FCN1: variants seen among roughly 807,000 people sequenced by gnomAD.
FCN1 encodes the protein ficolin 1.
In FCN1, 42 loss-of-function variants were observed where a neutral mutation model predicts 35.6. The ratio of observed to expected loss-of-function variants is 1.18; its 90% confidence interval spans 0.92 to 1.53. The LOEUF is 1.53. Among genes scored for constraint, FCN1 ranks in the 40% most tolerant of loss-of-function variants. The probability of loss-of-function intolerance (pLI) is 0.00; values close to 1 mark genes in which losing one functional copy is unlikely to be tolerated. For missense variants in FCN1, 439 were observed against 428.4 expected (o/e 1.02, Z -0.22); for synonymous variants, 179 against 169.8 (o/e 1.05, Z -0.42).
In FCN1 at chr9:134,916,808, G is replaced by C. The variant is rs114661886; in HGVS notation, c.104-347C>G. Among the ~76,000 whole-genome samples the C allele has an allele frequency of 9.1e-3, 1,390 of 152,266 alleles. 11 individuals are homozygous for C. Among genetic ancestry groups the C allele is most frequent in the African/African-American group, 0.032 (1,315 of 41,538 alleles). On this transcript the variant is annotated intron_variant, in intron 1 of 8. Transcript: ENST00000371806. ...ATTTAGAAAGAGCTTAATAAACAGC[G>C]GGCACTTTCAATAACTAATGACAAT...
intron 5 of FCN1, 89 bp from the exon 6 acceptor site, chr9:134,913,232 G>T: frequency 6.5e-7 from 1 of 1,537,206 alleles, no homozygotes. Flanking sequence ...GGAGGAGGAG[G>T]GCCACAGGCT....
rs1488955750 is a variant in FCN1, at chr9:134,916,527, G to C, written c.104-66C>G. 13 of 1,455,110 alleles carry C rather than the reference G, an allele frequency of 8.9e-6. No individual in the cohort carries two copies. In the East Asian group the frequency reaches 1.1e-4, roughly 13 times the overall value. 90.1% of individuals were successfully genotyped at this position (1,455,110 alleles called of 1,614,324 possible). A position where few individuals can be genotyped will look rare whatever the true frequency, so the allele number is the denominator to read the frequency against. On this transcript the variant is annotated intron_variant, in intron 1 of 8. Coordinates refer to ENST00000371806, the MANE Select transcript of FCN1 (RefSeq NM_002003.5). ...CAGTGGCTGGGAAGTGAGGTTTTCT[G>C]CTCTGCTGGGGCCTTGGTCTGTCCT...
At chr9:134,914,181 C>A (rs532387384) in intron 4 of FCN1, among the ~76,000 whole-genome samples, 1 of 152,314 alleles carries the variant, frequency 6.6e-6, no homozygotes, top group African/African-American at 2.4e-5. Context: ...GTCCTGCTGG[C>A]CACTGGGAGT....
chr9:134,909,265 A>T lies in FCN1; in HGVS notation c.*533T>A, dbSNP rs958834001. On this transcript the variant is annotated 3_prime_UTR_variant, in exon 9 of 9. Transcript: ENST00000371806. The stretch of plus-strand genomic sequence containing the variant: ...GTGGGAAGCAGAAAAGTTCCTACTA[A>T]ACTTTCCCCCTTTTTAGTAAGTGTT... 3.9e-6 allele frequency: 5 copies of T among 1,289,452 alleles called. No individual in the cohort carries two copies. The highest frequency in any genetic ancestry group is 5.1e-6 in the Non-Finnish European group (5 of 988,842). The allele number at this position is 1,289,452 out of a possible 1,614,324, so 79.9% of individuals were successfully genotyped here. A position where few individuals can be genotyped will look rare whatever the true frequency, so the allele number is the denominator to read the frequency against.
rs7467569 is a variant in FCN1 at position 134,905,796 on chromosome 9, T to C, written c.*4002A>G. On this transcript the variant is annotated 3_prime_UTR_variant, in exon 9 of 9. Coordinates refer to ENST00000371806, the MANE Select transcript of FCN1 (RefSeq NM_002003.5). ...ACCGCGCCTGGCCGCTGCTGCTGCT[T>C]CTTCTTCTTCTTCCTCTTCTTCTTC... 1 of 103,686 alleles carries C rather than the reference T, an allele frequency of 9.6e-6. No homozygotes were observed. Among genetic ancestry groups the C allele is most frequent in the Admixed American group, 8.4e-5 (1 of 11,900 alleles). The allele number at this position is 103,686 out of a possible 1,614,324, so 6.4% of individuals were successfully genotyped here. A position where few individuals can be genotyped will look rare whatever the true frequency, so the allele number is the denominator to read the frequency against.
chr9:134,906,713 G>A lies in FCN1; in HGVS notation c.*3085C>T, dbSNP rs1264965614. 1.3e-5 allele frequency: 2 copies of A among 152,014 alleles called. No homozygotes were observed. Among genetic ancestry groups the A allele is most frequent in the Admixed American group, 1.3e-4 (2 of 15,256 alleles). The allele number at this position is 152,014 out of a possible 1,614,324, so 9.4% of individuals were successfully genotyped here. A position where few individuals can be genotyped will look rare whatever the true frequency, so the allele number is the denominator to read the frequency against. On this transcript the variant is annotated 3_prime_UTR_variant, in exon 9 of 9. Transcript: ENST00000371806. The stretch of plus-strand genomic sequence containing the variant: ...TGGATTTGTGAGATTCTTCATAATA[G>A]GCCAAATTATTTAAACATTACAAGA...
chr9:134,917,025 G>GA (rs966885894), intron 1 of FCN1, among the ~76,000 whole-genome samples: 8 of 152,044 alleles, frequency 5.3e-5, no homozygotes, highest in African/African-American at 1.9e-4. Context: ...TTACTTCTTT[G>GA]AAAAAATATT....
rs370520035 is a variant in FCN1 at position 134,912,578 on chromosome 9, T to C, written c.506A>G (p.Tyr169Cys). The C allele has an allele frequency of 2.1e-5, 34 of 1,613,944 alleles. No individual in the cohort carries two copies. The highest frequency in any genetic ancestry group is 2.8e-5 in the Non-Finnish European group (33 of 1,179,978). Residue 169 changes from tyrosine to cysteine, a missense_variant, in exon 7 of 9, where the codon TAT becomes TGT. Physicochemically the swap from Tyr to Cys is radical, Grantham distance 194. Transcript: ENST00000371806. ...CTGCTTGTATGCGGCCCAGTCCCGA[T>C]AGAAGTCCACAGAGCCATCCATCCT... ...QRRMDGSVDF[Y>C]RDWAAYKQGF... is the part of the protein sequence containing the mutation.
At position 134,911,196 on chromosome 9, in the gene FCN1, T is replaced by A. The variant is rs147589113; in HGVS notation, c.670A>T (p.Lys224Ter). Residue 224 changes from lysine to a stop codon, truncating the protein, a stop_gained, in exon 8 of 9, where the codon AAG (lysine) becomes TAG (stop). Transcript: ENST00000371806. LOFTEE classifies it high-confidence loss of function. ...NHQFAKYKSFKVADEAEKYKL... is the reference protein window; with the variant it reads ...NHQFAKYKSF ...TACTTCTCTGCCTCGTCAGCCACCT[T>A]GAATGATTTGTACTTAGCAAACTGG... 6.2e-7 allele frequency: 1 copy of A among 1,614,112 alleles called. No homozygotes were observed. Among genetic ancestry groups the A allele is most frequent in the Non-Finnish European group, 8.5e-7 (1 of 1,179,988 alleles).
rs1333290501 is a variant in FCN1 at position 134,905,385 on chromosome 9, G to A, written c.*4413C>T. ...GGCTTGATTTCTTTTCACCCATTCA[G>A]CTTTATCCCTCAAATCACAAAAGCT... On this transcript the variant is annotated 3_prime_UTR_variant, in exon 9 of 9. Transcript: ENST00000371806. Among the ~76,000 whole-genome samples, 4 of 152,210 alleles carry A rather than the reference G, an allele frequency of 2.6e-5. No homozygotes were observed. The highest frequency in any genetic ancestry group is 9.6e-5 in the African/African-American group (4 of 41,454).
chr9:134,913,458 T>C, intron 5 of FCN1, 123 bp downstream of exon 5: 1 of 744,940 alleles, frequency 1.3e-6, no homozygotes, highest in South Asian at 1.8e-5. Context: ...ACTCGAGTGA[T>C]TGAGGGGGGG....
rs778906920 is a variant in FCN1, at chr9:134,912,531, C to A, written c.553G>T (p.Glu185Ter). ...ATGTTGTCATTCCCCAGCCAGAACTCCCCCAGCTGACTGCCGAAGCCCTGC... is the reference window on the plus strand; with the variant it reads ...ATGTTGTCATTCCCCAGCCAGAACTACCCCAGCTGACTGCCGAAGCCCTGC... ...YKQGFGSQLG[E>*]FWLGNDNIHA... Residue 185 changes from glutamate (E) to a stop codon, truncating the protein, a stop_gained, in exon 7 of 9, where the codon GAG becomes TAG. Transcript: ENST00000371806. LOFTEE classifies it high-confidence loss of function. 6.2e-7 allele frequency: 1 copy of A among 1,613,910 alleles called. No individual in the cohort carries two copies. Among genetic ancestry groups the A allele is most frequent in the South Asian group, 1.1e-5 (1 of 91,082 alleles).
chr9:134,915,542 G>A lies in FCN1; in HGVS notation c.218-733C>T, dbSNP rs570450707. 9.9e-5 allele frequency among the ~76,000 whole-genome samples: 15 copies of A among 152,256 alleles called. No individual in the cohort carries two copies. The South Asian group carries it at 1.9e-3, about 19-fold the overall frequency. On this transcript the variant is annotated intron_variant, in intron 2 of 8. Transcript: ENST00000371806. ...GTTCCCTCAGCAGGGGATCGGGACC[G>A]CACTCTCAGGTCCAGCCTGCGGAGT...
At chr9:134,916,807 C>T (rs1415097982) in intron 1 of FCN1, among the ~76,000 whole-genome samples, 4 of 152,198 alleles carry the variant, frequency 2.6e-5, no homozygotes, top group African/African-American at 7.2e-5. Flanking sequence ...TAATAAACAG[C>T]GGGCACTTTC....
rs958420945 is a variant in FCN1, at chr9:134,903,308, A to G, written c.*6490T>C. 3.9e-5 allele frequency among the ~76,000 whole-genome samples: 6 copies of G among 152,190 alleles called. No individual in the cohort carries two copies. In the East Asian group the frequency reaches 5.8e-4, roughly 15 times the overall value. On this transcript the variant is annotated 3_prime_UTR_variant, in exon 9 of 9. Transcript: ENST00000371806. ...TTTTCAGTAGACAACAGCATAAAACATATTCTTTTCAAGTTCAAATTGAAC... is the reference window on the plus strand; with the variant it reads ...TTTTCAGTAGACAACAGCATAAAACGTATTCTTTTCAAGTTCAAATTGAAC...
intron 2 of FCN1, among the ~76,000 whole-genome samples, 161 bp from the exon 3 acceptor site, chr9:134,914,970 G>A (rs1014765550): frequency 2.0e-5 from 3 of 152,086 alleles, no homozygotes; most frequent in East Asian, 3.9e-4. Flanking sequence ...ATTTAGCCTG[G>A]GGGTGACTGC....
intron 1 of FCN1, among the ~76,000 whole-genome samples, chr9:134,916,758 T>A (rs1831097647): frequency 6.6e-6 from 1 of 152,252 alleles, no homozygotes; most frequent in Admixed American, 6.5e-5. Flanking sequence ...ATGTGCATTT[T>A]AAATCTCTTA....
chr9:134,910,824 A>G (rs1356442493), intron 8 of FCN1, among the ~76,000 whole-genome samples: 2 of 152,202 alleles, frequency 1.3e-5, no homozygotes, highest in African/African-American at 4.8e-5. Flanking sequence ...CATGGAGCAC[A>G]GTTTGGGAAA....
At chr9:134,916,294 A>G (rs1298307924) in intron 2 of FCN1, 54 bp downstream of exon 2, 1 of 1,330,268 alleles carries the variant, frequency 7.5e-7, no homozygotes, top group African/African-American at 1.4e-5. Context: ...TTTCATAAAG[A>G]GCAAGAGCCA....
Sources: allele counts gnomAD v4.1 joint callset (sites outside exome capture counted in the v4.1 genomes callset), GRCh38; gene constraint gnomAD v4.1.1; transcripts MANE v1.5; gene names NCBI Gene and HGNC (gene_info 2026-07-23, HGNC 2026-07-21).